Variants in TRPC4AP observed in about 807,000 individuals in gnomAD.
The protein encoded by TRPC4AP is transient receptor potential cation channel subfamily C member 4 associated protein.
TRPC4AP carries 45 observed loss-of-function variants against 99.0 expected under a neutral mutation model. The ratio of observed to expected loss-of-function variants is 0.45; its 90% CI spans 0.36 to 0.58. TRPC4AP has a LOEUF of 0.58. TRPC4AP is among the 20% of genes least tolerant of loss of function. TRPC4AP has a pLI of 0.00. For missense variants in TRPC4AP, 879 were observed against 985.3 expected, an observed-to-expected ratio of 0.89 and a Z score of 1.44; for synonymous variants, 408 against 385.8, an observed-to-expected ratio of 1.06 and a Z score of -0.67.
intron 8 of TRPC4AP, among the ~76,000 whole-genome samples, chr20:35,028,570 ACT>A (rs1491442870): frequency 6.6e-6 from 1 of 152,176 alleles, no homozygotes; most frequent in Non-Finnish European, 1.5e-5. Flanking sequence ...AATTTGCTGA[ACT>A]TTTTTTTAAC....
intron 8 of TRPC4AP, among the ~76,000 whole-genome samples, chr20:35,032,040 C>A (rs989336507): frequency 2.0e-5 from 3 of 152,216 alleles, no homozygotes; most frequent in East Asian, 3.9e-4. Flanking sequence ...CAGGTGTGCA[C>A]CACCATGGCC....
intron 5 of TRPC4AP, among the ~76,000 whole-genome samples, chr20:35,053,355 TTAAC>T (rs2083748225): frequency 2.0e-5 from 3 of 152,352 alleles, no homozygotes; most frequent in South Asian, 2.1e-4. Flanking sequence ...TTTTTTTAAC[TTAAC>T]TGTTTTATTG....
At chr20:35,052,953 A>T (rs907575361) in intron 5 of TRPC4AP, among the ~76,000 whole-genome samples, 1 of 152,132 alleles carries the variant, frequency 6.6e-6, no homozygotes, top group African/African-American at 2.4e-5. Flanking sequence ...CAACCCTGAG[A>T]GCCCCAGGTT....
chr20:35,021,046 A>G (rs1367072584), intron 9 of TRPC4AP, 144 bp downstream of exon 9: 19 of 861,290 alleles, frequency 2.2e-5, no homozygotes, highest in Non-Finnish European at 3.1e-5. Context: ...CCTTATAGGT[A>G]GAACAGAAGG....
At chr20:35,070,722 A>G (rs949250323) in intron 2 of TRPC4AP, among the ~76,000 whole-genome samples, 1 of 152,104 alleles carries the variant, frequency 6.6e-6, no homozygotes, top group Non-Finnish European at 1.5e-5. Flanking sequence ...TCTTCCCTAG[A>G]CTAAACGTTC....
chr20:35,031,028 TTTCAAC>T (rs1354872298), intron 8 of TRPC4AP, among the ~76,000 whole-genome samples: 1 of 152,186 alleles, frequency 6.6e-6, no homozygotes, highest in African/African-American at 2.4e-5. Flanking sequence ...AATGTTTTTA[TTTCAAC>T]TTCATCTTTG....
intron 8 of TRPC4AP, among the ~76,000 whole-genome samples, chr20:35,026,908 G>C (rs1283714898): frequency 6.6e-6 from 1 of 151,982 alleles, no homozygotes; most frequent in African/African-American, 2.4e-5. Context: ...CTTGTATTCT[G>C]AACCTTTGTT....
Position 35,007,629 on chromosome 20 carries a change from G to A in TRPC4AP, c.1607C>T (p.Ala536Val). ...PAESSFRFWQ[A>V]RAVESFLRGT... ...TCGGAGGAAACTCTCCACAGCCCGA[G>A]CTTGCCAAAACCTGCGACCCAAATA... The change falls in exon 14 of 19, where the codon GCT (alanine) becomes GTT (valine). Residue 536 changes from alanine (A) to valine (V), a missense_variant. Transcript: ENST00000252015. 1 of 1,614,228 alleles carries A rather than the reference G, an allele frequency of 6.2e-7. No homozygotes were observed. The highest frequency in any genetic ancestry group is 8.5e-7 in the Non-Finnish European group (1 of 1,180,032).
intron 18 of TRPC4AP, 40 bp from the exon 19 acceptor site, chr20:35,003,323 C>G: frequency 6.2e-7 from 1 of 1,613,678 alleles, no homozygotes; most frequent in Non-Finnish European, 8.5e-7. Context: ...CCTGGAGGAC[C>G]CAGGTCAAGC....
At chr20:35,037,342 G>A (rs1267681055) in intron 7 of TRPC4AP, among the ~76,000 whole-genome samples, 3 of 77,044 alleles carry the variant, frequency 3.9e-5, no homozygotes, top group Non-Finnish European at 2.3e-5. Context: ...GCGAGACTCT[G>A]TCTCAAAAAA....
intron 2 of TRPC4AP, among the ~76,000 whole-genome samples, chr20:35,075,831 T>C (rs984059853): frequency 3.8e-4 from 58 of 152,352 alleles, no homozygotes; most frequent in African/African-American, 1.4e-3. Flanking sequence ...GAAGTTCTCC[T>C]GGATAATATC....
intron 5 of TRPC4AP, among the ~76,000 whole-genome samples, chr20:35,052,938 G>A (rs1230015917): frequency 6.6e-6 from 1 of 152,136 alleles, no homozygotes; most frequent in East Asian, 1.9e-4. Context: ...AGGCATTGGT[G>A]TTTGCAACCC....
intron 8 of TRPC4AP, 88 bp from the exon 9 acceptor site, chr20:35,021,444 G>C (rs2147297213): frequency 6.9e-7 from 1 of 1,451,510 alleles, no homozygotes; most frequent in Non-Finnish European, 9.3e-7. Flanking sequence ...CAGACTTGTA[G>C]CATGGCCATT....
chr20:35,024,669 A>G (rs554029507), intron 8 of TRPC4AP, among the ~76,000 whole-genome samples: 1 of 151,852 alleles, frequency 6.6e-6, no homozygotes, highest in Middle Eastern at 3.4e-3. Flanking sequence ...TTTTATTACA[A>G]AAAATAAAAA....
At chr20:35,051,375 A>G (rs2083696619) in intron 5 of TRPC4AP, among the ~76,000 whole-genome samples, 1 of 152,076 alleles carries the variant, frequency 6.6e-6, no homozygotes, top group Non-Finnish European at 1.5e-5. Context: ...AAGTACGAAT[A>G]TAGCTCACTA....
chr20:35,020,996 C>A (rs759952271), intron 9 of TRPC4AP, among the ~76,000 whole-genome samples, 194 bp downstream of exon 9: 2 of 152,238 alleles, frequency 1.3e-5, no homozygotes, highest in Non-Finnish European at 2.9e-5. Flanking sequence ...TACAGCAAGG[C>A]ACAGTGAAAA....
chr20:35,083,543 G>C (rs1432351732), intron 1 of TRPC4AP, among the ~76,000 whole-genome samples: 1 of 151,566 alleles, frequency 6.6e-6, no homozygotes, highest in African/African-American at 2.4e-5. Context: ...CTGGGAGGCG[G>C]AGGTTGCAGA....
rs906663125 is a variant in TRPC4AP at position 35,025,339 on chromosome 20, C to T, written c.1052-3983G>A. On this transcript the variant is annotated intron_variant, in intron 8 of 18. Transcript: ENST00000252015. ...AGGACTATGGGCACGTGCCACCATG[C>T]CTGGCTAACCGAAACAAAATTTTTT... Among the ~76,000 whole-genome samples the T allele has an allele frequency of 3.9e-5, 6 of 152,118 alleles. No individual in the cohort carries two copies. In the South Asian group the frequency reaches 1.2e-3, roughly 32 times the overall value.
chr20:35,010,360 G>T, intron 11 of TRPC4AP, 72 bp from the exon 12 acceptor site: 1 of 1,277,682 alleles, frequency 7.8e-7, no homozygotes, highest in East Asian at 2.4e-5. Context: ...GGCTAGTGTA[G>T]GGAGTCTCCT....
Sources: gnomAD v4.1 joint callset for allele counts (sites outside exome capture counted in the v4.1 genomes callset) on GRCh38, gnomAD v4.1.1 for gene constraint, MANE v1.5 for transcripts, NCBI Gene and HGNC (gene_info 2026-07-23, HGNC 2026-07-21) for gene names.